AP1G1: variants seen among roughly 807,000 people sequenced by gnomAD.
AP1G1 encodes adaptor related protein complex 1 subunit gamma 1.
A neutral mutation model predicts 108.3 loss-of-function variants in AP1G1; 7 were observed. The observed-to-expected ratio is 0.06, with a 90% confidence interval of 0.04 to 0.12. AP1G1 has a LOEUF of 0.12. Among genes scored for constraint, AP1G1 ranks in the 10% least tolerant of loss-of-function variants. The pLI, the probability that AP1G1 is intolerant of heterozygous loss-of-function variation, is 1.00. For synonymous variants in AP1G1, 379 were observed against 353.5 expected, an observed-to-expected ratio of 1.07 and a Z score of -0.81; for missense variants, 756 against 1,010.7, an observed-to-expected ratio of 0.75 and a Z score of 3.42.
rs539309940 is a variant in AP1G1, at chr16:71,799,395, G to A, written c.-4+9368C>T. Among the ~76,000 whole-genome samples, 54 of 152,248 alleles carry A rather than the reference G, an allele frequency of 3.5e-4. No homozygotes were observed. In the South Asian group the frequency reaches 0.011, roughly 31 times the overall value. On this transcript the variant is annotated intron_variant, in intron 1 of 22. Transcript: ENST00000299980. ...GCAAAAATCTAGAAATGATCTAAAT[G>A]TCCACAGGAAAATAATAAATTATGG...
At chr16:71,780,279 G>T (rs967576301) in intron 2 of AP1G1, among the ~76,000 whole-genome samples, 1 of 151,792 alleles carries the variant, frequency 6.6e-6, no homozygotes, top group Non-Finnish European at 1.5e-5. Context: ...GTGAGCCACC[G>T]CGCCGGCCAA....
At chr16:71,740,439 A>G (rs2045604762) in intron 19 of AP1G1, among the ~76,000 whole-genome samples, 1 of 152,242 alleles carries the variant, frequency 6.6e-6, no homozygotes, top group Admixed American at 6.5e-5. Flanking sequence ...ACTGGGAGAT[A>G]CATCCAAAAG....
chr16:71,778,913 C>T (rs2031895128), intron 2 of AP1G1, among the ~76,000 whole-genome samples: 1 of 152,064 alleles, frequency 6.6e-6, no homozygotes, highest in Non-Finnish European at 1.5e-5. Flanking sequence ...GCATCTGCCC[C>T]TTAGGTAACA....
At chr16:71,789,066 A>G (rs1597081539) in intron 2 of AP1G1, among the ~76,000 whole-genome samples, 2 of 152,160 alleles carry the variant, frequency 1.3e-5, no homozygotes, top group Non-Finnish European at 2.9e-5. Context: ...ACATTCTCTC[A>G]TCCGTATAAT....
Position 71,762,218 on chromosome 16 carries a change from T to C in AP1G1, c.919-651A>G, listed in dbSNP as rs139595883. On this transcript the variant is annotated intron_variant, in intron 9 of 22. Transcript: ENST00000299980. The stretch of plus-strand genomic sequence containing the variant: ...TGCATTCTGACACATGGTTCAACCT[T>C]GAAGACATTATGTTAAATGAAATAA... Among the ~76,000 whole-genome samples, 129 of 152,160 alleles carry C rather than the reference T, an allele frequency of 8.5e-4. 1 individual carries two copies. The highest frequency in any genetic ancestry group is 2.9e-3 in the African/African-American group (121 of 41,526).
intron 5 of AP1G1, among the ~76,000 whole-genome samples, chr16:71,769,998 C>G (rs1305090481): frequency 6.6e-6 from 1 of 152,152 alleles, no homozygotes; most frequent in Admixed American, 6.5e-5. Context: ...TAAAAACACA[C>G]AATGCAAGCT....
intron 1 of AP1G1, among the ~76,000 whole-genome samples, chr16:71,792,759 C>T (rs568651447): frequency 6.6e-6 from 1 of 151,822 alleles, no homozygotes; most frequent in South Asian, 2.1e-4. Context: ...GAGGCTGAGG[C>T]AGGAGAATCG....
At chr16:71,740,997 A>G (rs900818590) in intron 19 of AP1G1, among the ~76,000 whole-genome samples, 1 of 152,214 alleles carries the variant, frequency 6.6e-6, no homozygotes, top group African/African-American at 2.4e-5. Context: ...ATAGATTACC[A>G]TTCTTATTTA....
chr16:71,736,117 A>AAAAT (rs1555550846), intron 21 of AP1G1, among the ~76,000 whole-genome samples: 5 of 71,634 alleles, frequency 7.0e-5, no homozygotes, highest in Non-Finnish European at 9.7e-5. Flanking sequence ...AAAAAAAAAA[A>AAAAT]ATATATATAT....
Position 71,740,077 on chromosome 16 carries a change from C to T in AP1G1, c.2000-736G>A, listed in dbSNP as rs1475173252. Among the ~76,000 whole-genome samples, 8 of 152,194 alleles carry T rather than the reference C, an allele frequency of 5.3e-5. No homozygotes were observed. The South Asian group carries it at 1.2e-3, about 24-fold the overall frequency. On this transcript the variant is annotated intron_variant, in intron 19 of 22. Coordinates refer to ENST00000299980, the MANE Select transcript of AP1G1 (RefSeq NM_001128.6). Reference sequence around the variant, plus strand: ...TCCAGATGTTGGCAAGAAGATGGAACGATGGGAAATTTTAAGCTCTGCTAT... The same window carrying T: ...TCCAGATGTTGGCAAGAAGATGGAATGATGGGAAATTTTAAGCTCTGCTAT...
intron 10 of AP1G1, among the ~76,000 whole-genome samples, chr16:71,759,180 C>CG (rs2145456717): frequency 6.6e-6 from 1 of 152,192 alleles, no homozygotes; most frequent in Non-Finnish European, 1.5e-5. Flanking sequence ...AAAAGTAGGC[C>CG]GGGCATGGTG....
chr16:71,769,065 CT>C (rs1181873862), intron 6 of AP1G1, among the ~76,000 whole-genome samples: 5 of 148,166 alleles, frequency 3.4e-5, no homozygotes, highest in Non-Finnish European at 7.4e-5. Context: ...GGCTGATCAC[CT>C]GAGGTCAGGA....
At chr16:71,774,394 ACTCCGT>A in intron 3 of AP1G1, 68 bp downstream of exon 3, 1 of 1,527,878 alleles carries the variant, frequency 6.5e-7, no homozygotes. Context: ...AAAGAGCAAG[ACTCCGT>A]CTCAAAGAAA....
chr16:71,765,473 G>A lies in AP1G1; in HGVS notation c.738+16C>T, dbSNP rs970191431. ...AATTCATATAACATTTATTTAAAAC[G>A]TTCTTTCAACCTCACCTGCAAAAAG... On this transcript the variant is annotated intron_variant, in intron 7 of 22. Coordinates refer to ENST00000299980, the MANE Select transcript of AP1G1 (RefSeq NM_001128.6). 10 of 1,565,650 alleles carry A rather than the reference G, an allele frequency of 6.4e-6. No individual in the cohort carries two copies. In the East Asian group the frequency reaches 6.7e-5, roughly 11 times the overall value.
intron 4 of AP1G1, among the ~76,000 whole-genome samples, chr16:71,772,268 C>T (rs1421485515): frequency 6.6e-6 from 1 of 152,086 alleles, no homozygotes; most frequent in Non-Finnish European, 1.5e-5. Flanking sequence ...TGAGGGACTA[C>T]AGGCGCCCGC....
At chr16:71,785,562 C>T (rs963962278) in intron 2 of AP1G1, among the ~76,000 whole-genome samples, 1 of 121,120 alleles carries the variant, frequency 8.3e-6, no homozygotes, top group Non-Finnish European at 1.6e-5. Flanking sequence ...GTGACAAGAG[C>T]GAAACCCTGC....
At chr16:71,733,368 G>A (rs924252717) in intron 22 of AP1G1, among the ~76,000 whole-genome samples, 5 of 152,186 alleles carry the variant, frequency 3.3e-5, no homozygotes, top group Non-Finnish European at 5.9e-5. Flanking sequence ...TTGAGAAAGC[G>A]CATCTGCAGA....
intron 7 of AP1G1, 106 bp from the exon 8 acceptor site, chr16:71,764,832 G>A (rs544474319): frequency 2.9e-6 from 2 of 695,912 alleles, no homozygotes; most frequent in East Asian, 5.5e-5. Flanking sequence ...AATTCATTTG[G>A]AACCATTTAT....
intron 11 of AP1G1, among the ~76,000 whole-genome samples, chr16:71,757,442 C>T (rs1376132388): frequency 4.0e-5 from 6 of 148,310 alleles, no homozygotes; most frequent in South Asian, 2.1e-4. Context: ...CACAAGACTC[C>T]GTCTCCAAAA....
Sources: allele counts gnomAD v4.1 joint callset (sites outside exome capture counted in the v4.1 genomes callset), GRCh38; gene constraint gnomAD v4.1.1; transcripts MANE v1.5; gene names NCBI Gene and HGNC (gene_info 2026-07-23, HGNC 2026-07-21).